LCP1: variants seen among roughly 807,000 people sequenced by gnomAD.
The protein encoded by LCP1 is plastin-2.
LCP1 carries 23 observed loss-of-function variants against 72.0 expected under a neutral mutation model. The ratio of observed to expected loss-of-function variants is 0.32; its 90% CI spans 0.23 to 0.45. The LOEUF (loss-of-function observed/expected upper bound fraction) is 0.45, where lower values mean the gene tolerates loss of function less well. LCP1 is among the 20% of genes least tolerant of loss of function. LCP1 has a pLI of 1.00. For synonymous variants in LCP1, 245 were observed against 275.4 expected (o/e 0.89, Z 1.09); for missense variants, 571 against 748.3 (o/e 0.76, Z 2.76).
chr13:46,172,972 G>A (rs2045911789), intron 1 of LCP1, among the ~76,000 whole-genome samples: 1 of 152,156 alleles, frequency 6.6e-6, no homozygotes, highest in African/African-American at 2.4e-5. Context: ...TCGAAGCAAT[G>A]CGTGGGAAAA....
rs898832393 is a variant in LCP1, at chr13:46,146,959, G to A, written c.1123C>T (p.Pro375Ser). 1 of 1,614,104 alleles carries A rather than the reference G, an allele frequency of 6.2e-7. No individual in the cohort carries two copies. The highest frequency in any genetic ancestry group is 1.3e-5 in the African/African-American group (1 of 75,014). The change falls in exon 10 of 16, where the codon CCT becomes TCT. Residue 375 changes from proline (P) to serine (S), a missense_variant. Physicochemically the swap from Pro to Ser is moderately conservative, Grantham distance 74. Coordinates refer to ENST00000323076, the MANE Select transcript of LCP1 (RefSeq NM_002298.5). ...AFIANLFNRY[P>S]ALHKPENQDI... Reference sequence around the variant, plus strand: ...TGGTTCTCTGGTTTGTGCAGGGCAGGGTATCTGTTAAAGAGGTTGGCAATA... The same window carrying A: ...TGGTTCTCTGGTTTGTGCAGGGCAGAGTATCTGTTAAAGAGGTTGGCAATA...
intron 13 of LCP1, among the ~76,000 whole-genome samples, chr13:46,136,277 T>C (rs181067039): frequency 3.9e-5 from 6 of 152,302 alleles, no homozygotes; most frequent in Admixed American, 2.6e-4. Flanking sequence ...AGCTCAAGTA[T>C]CACTTTTCCA....
chr13:46,156,143 T>C (rs1215326896), intron 5 of LCP1, among the ~76,000 whole-genome samples: 1 of 152,258 alleles, frequency 6.6e-6, no homozygotes, highest in Non-Finnish European at 1.5e-5. Flanking sequence ...CTTAATTATC[T>C]AATACATTGA....
At chr13:46,181,460 A>G (rs1159075457) in intron 1 of LCP1, among the ~76,000 whole-genome samples, 2 of 152,236 alleles carry the variant, frequency 1.3e-5, no homozygotes, top group African/African-American at 4.8e-5. Flanking sequence ...ATCCTACAAA[A>G]ACACTACAAT....
intron 6 of LCP1, among the ~76,000 whole-genome samples, chr13:46,153,913 G>A (rs1223656314): frequency 6.6e-6 from 1 of 152,266 alleles, no homozygotes; most frequent in East Asian, 1.9e-4. Flanking sequence ...AGTCAAGGGA[G>A]TTTTCAGTCC....
chr13:46,149,200 A>C (rs2045748462), intron 8 of LCP1, among the ~76,000 whole-genome samples: 5 of 152,232 alleles, frequency 3.3e-5, no homozygotes, highest in Admixed American at 3.3e-4. Context: ...ATTTCTCATA[A>C]AGATCGAAAA....
At chr13:46,162,306 G>C (rs542400096) in intron 1 of LCP1, among the ~76,000 whole-genome samples, 1 of 89,942 alleles carries the variant, frequency 1.1e-5, no homozygotes, top group Non-Finnish European at 2.1e-5. Context: ...CTCAACCCAC[G>C]GTCTCCCTCT....
At position 46,170,645 on chromosome 13, in the gene LCP1, G is replaced by A. The variant is rs114126183; in HGVS notation, c.-24-10959C>T. On this transcript the variant is annotated intron_variant, in intron 1 of 15. Transcript: ENST00000323076. ...TAGCATTTACCTGCATGTAATTTGCGTCTCACTATCTGAACAATGCTATTC... is the reference window on the plus strand; with the variant it reads ...TAGCATTTACCTGCATGTAATTTGCATCTCACTATCTGAACAATGCTATTC... Among the ~76,000 whole-genome samples, 1,345 of 152,296 alleles carry A rather than the reference G, an allele frequency of 8.8e-3. 17 individuals carry two copies. The highest frequency in any genetic ancestry group is 0.031 in the African/African-American group (1,273 of 41,544).
At chr13:46,167,044 C>A (rs896028021) in intron 1 of LCP1, among the ~76,000 whole-genome samples, 3 of 152,114 alleles carry the variant, frequency 2.0e-5, no homozygotes, top group Non-Finnish European at 2.9e-5. Flanking sequence ...GAATCTCCTC[C>A]AGATTGTCCT....
chr13:46,127,416 T>G lies in LCP1; in HGVS notation c.*175A>C. The G allele has an allele frequency of 1.5e-6, 1 of 661,096 alleles. No individual in the cohort carries two copies. The highest frequency in any genetic ancestry group is 2.5e-6 in the Non-Finnish European group (1 of 405,898). The allele number at this position is 661,096 out of a possible 1,614,324, so 41.0% of individuals were successfully genotyped here. A position where few individuals can be genotyped will look rare whatever the true frequency, so the allele number is the denominator to read the frequency against. On this transcript the variant is annotated 3_prime_UTR_variant, in exon 16 of 16. Transcript: ENST00000323076. ...AGGAGGTTGGGCCTCCTGCAAAGAATGAAGCACTTTTTGTTAAATACAGGA... is the reference window on the plus strand; with the variant it reads ...AGGAGGTTGGGCCTCCTGCAAAGAAGGAAGCACTTTTTGTTAAATACAGGA...
chr13:46,156,293 T>C lies in LCP1; in HGVS notation c.491+145A>G, dbSNP rs974508369. On this transcript the variant is annotated intron_variant, in intron 5 of 15. Coordinates refer to ENST00000323076, the MANE Select transcript of LCP1 (RefSeq NM_002298.5). ...TGTTTTTGAATTTAGTTTGCTGTCC[T>C]GGACCTGGCCAAGTGAAAGTCCAGA... 4 of 844,388 alleles carry C rather than the reference T, an allele frequency of 4.7e-6. No homozygotes were observed. The African/African-American group carries it at 6.9e-5, about 14-fold the overall frequency. 52.3% of individuals were successfully genotyped at this position (844,388 alleles called of 1,614,324 possible). A position where few individuals can be genotyped will look rare whatever the true frequency, so the allele number is the denominator to read the frequency against.
At chr13:46,145,554 A>G (rs1054707754) in intron 10 of LCP1, among the ~76,000 whole-genome samples, 3 of 152,148 alleles carry the variant, frequency 2.0e-5, no homozygotes, top group Non-Finnish European at 4.4e-5. Context: ...GTAGGATCCA[A>G]GCTCTTTAGT....
At position 46,127,803 on chromosome 13, in the gene LCP1, G is replaced by T. The variant is rs1211146049; in HGVS notation, c.1752-80C>A. 3.3e-6 allele frequency: 5 copies of T among 1,537,992 alleles called. No individual in the cohort carries two copies. In the East Asian group the frequency reaches 9.0e-5, roughly 28 times the overall value. ...GGGACCCTGGAGGGTCACAGTCACA[G>T]TCGTTCCATAGTCAGGACAGAACTC... On this transcript the variant is annotated intron_variant, in intron 15 of 15. Transcript: ENST00000323076.
chr13:46,174,834 CAAAA>C (rs398056355), intron 1 of LCP1, among the ~76,000 whole-genome samples: 4 of 82,306 alleles, frequency 4.9e-5, no homozygotes, highest in African/African-American at 1.7e-4. Flanking sequence ...ACTCCATCTT[CAAAA>C]AAAAAAAAAA....
intron 13 of LCP1, among the ~76,000 whole-genome samples, chr13:46,135,054 A>G (rs2045656049): frequency 2.8e-5 from 4 of 143,426 alleles, no homozygotes. Flanking sequence ...GGTTGCAGTG[A>G]GCTGAGATAG....
At chr13:46,179,007 A>G (rs999884149) in intron 1 of LCP1, among the ~76,000 whole-genome samples, 2 of 152,232 alleles carry the variant, frequency 1.3e-5, no homozygotes, top group Non-Finnish European at 2.9e-5. Context: ...AATAATCCAA[A>G]GTGACTAAGT....
At chr13:46,130,719 T>C in intron 15 of LCP1, 95 bp downstream of exon 15, 2 of 1,402,968 alleles carry the variant, frequency 1.4e-6, no homozygotes, top group Non-Finnish European at 2.0e-6. Context: ...GAAAATGAAA[T>C]GTTTGTATAA....
intron 1 of LCP1, among the ~76,000 whole-genome samples, chr13:46,174,031 T>C (rs907682703): frequency 4.6e-5 from 7 of 152,194 alleles, no homozygotes; most frequent in African/African-American, 1.7e-4. Context: ...TGCACTACAC[T>C]CTACCTCCTC....
chr13:46,132,137 A>G (rs555587574), intron 14 of LCP1, among the ~76,000 whole-genome samples: 1 of 152,208 alleles, frequency 6.6e-6, no homozygotes, highest in African/African-American at 2.4e-5. Context: ...GCAACAACTT[A>G]CTAAGAAGAC....
Sources: allele counts gnomAD v4.1 joint callset (sites outside exome capture counted in the v4.1 genomes callset), GRCh38; gene constraint gnomAD v4.1.1; transcripts MANE v1.5; gene names NCBI Gene and HGNC (gene_info 2026-07-23, HGNC 2026-07-21).